Variants in RBFOX1 observed in about 807,000 individuals in gnomAD.
RBFOX1 encodes RNA binding protein fox-1 homolog 1.
RBFOX1 carries 8 observed loss-of-function variants against 57.7 expected under a neutral mutation model. That is an observed-to-expected ratio of 0.14 (90% CI 0.08 to 0.25). RBFOX1 has a LOEUF of 0.25. RBFOX1 is among the 10% of genes least tolerant of loss of function. The pLI, the probability that RBFOX1 is intolerant of heterozygous loss-of-function variation, is 1.00. For synonymous variants in RBFOX1, 326 were observed against 222.4 expected (o/e 1.47, Z -4.15); for missense variants, 611 against 548.5 (o/e 1.11, Z -1.14).
chr16:6,281,991 T>C (rs1314523476), intron 1 of RBFOX1, among the ~76,000 whole-genome samples: 1 of 152,138 alleles, frequency 6.6e-6, no homozygotes, highest in East Asian at 1.9e-4. Flanking sequence ...GCGTTTGTTA[T>C]TGGGCAAAAT....
intron 4 of RBFOX1, among the ~76,000 whole-genome samples, chr16:7,080,059 T>TTATATATATATATATACA (rs201835325): frequency 7.4e-6 from 1 of 135,244 alleles, no homozygotes; most frequent in African/African-American, 2.7e-5. Flanking sequence ...TATATACATA[T>TTATATATATATATATACA]TATATATATA....
At chr16:5,867,455 A>G (rs1202260066) in intron 4 of RBFOX1, 1 of 712,966 alleles carries the variant, frequency 1.4e-6, no homozygotes, top group African/African-American at 1.8e-5. Context: ...GGTGGCTTGG[A>G]TGGTGTGTTT....
At chr16:5,348,833 G>GT (rs2151310504) in intron 1 of RBFOX1, among the ~76,000 whole-genome samples, 1 of 152,276 alleles carries the variant, frequency 6.6e-6, no homozygotes, top group Non-Finnish European at 1.5e-5. Flanking sequence ...AGACTCTTAG[G>GT]TTGTTTCCAT....
chr16:7,245,779 CCATCAGTCTTG>C (rs2094270294), intron 4 of RBFOX1, among the ~76,000 whole-genome samples: 1 of 152,128 alleles, frequency 6.6e-6, no homozygotes, highest in African/African-American at 2.4e-5. Flanking sequence ...CCCTTTTTGT[CCATCAGTCTTG>C]CATAGTGCTT....
chr16:6,108,269 A>C (rs2096405642), intron 1 of RBFOX1, among the ~76,000 whole-genome samples: 1 of 152,126 alleles, frequency 6.6e-6, no homozygotes, highest in Non-Finnish European at 1.5e-5. Flanking sequence ...CAGAGTGGTT[A>C]TAGAAGAGGG....
At chr16:6,714,255 C>T (rs958046796) in intron 3 of RBFOX1, among the ~76,000 whole-genome samples, 1 of 152,128 alleles carries the variant, frequency 6.6e-6, no homozygotes, top group East Asian at 1.9e-4. Flanking sequence ...GTCAATTAAA[C>T]CTCTTTCCCA....
intron 2 of RBFOX1, among the ~76,000 whole-genome samples, chr16:6,421,228 G>C: frequency 6.6e-6 from 1 of 152,298 alleles, no homozygotes; most frequent in African/African-American, 2.4e-5. Flanking sequence ...TCCTTCGGGA[G>C]GGGACAGAGG....
chr16:5,258,481 G>C (rs1344560973), intron 1 of RBFOX1, among the ~76,000 whole-genome samples: 5 of 152,134 alleles, frequency 3.3e-5, no homozygotes, highest in South Asian at 2.1e-4. Flanking sequence ...CTAAGATCGA[G>C]TTTACATTCA....
chr16:6,738,308 G>T (rs1254130562), intron 3 of RBFOX1, among the ~76,000 whole-genome samples: 1 of 152,140 alleles, frequency 6.6e-6, no homozygotes, highest in East Asian at 1.9e-4. Flanking sequence ...AGGAGAGGAG[G>T]GGAACTGAGA....
chr16:7,238,240 T>C (rs779968941), intron 4 of RBFOX1, among the ~76,000 whole-genome samples: 27 of 151,964 alleles, frequency 1.8e-4, no homozygotes, highest in Non-Finnish European at 3.7e-4. Context: ...TTTTGCAAGA[T>C]GAAAAGAGTT....
At chr16:6,639,490 G>A (rs773487938) in intron 2 of RBFOX1, among the ~76,000 whole-genome samples, 16 of 152,080 alleles carry the variant, frequency 1.1e-4, no homozygotes, top group Non-Finnish European at 2.4e-4. Flanking sequence ...AATTAAGACA[G>A]TTTTTAGAAA....
chr16:6,453,700 C>T (rs1312517478), intron 2 of RBFOX1, among the ~76,000 whole-genome samples: 1 of 152,196 alleles, frequency 6.6e-6, no homozygotes, highest in South Asian at 2.1e-4. Context: ...CCCTGACTTT[C>T]TAAGCTTATT....
intron 1 of RBFOX1, among the ~76,000 whole-genome samples, chr16:5,300,469 C>A (rs1223883545): frequency 6.6e-6 from 1 of 152,054 alleles, no homozygotes; most frequent in Non-Finnish European, 1.5e-5. Flanking sequence ...TGAATTTATT[C>A]TTCTAACGCA....
intron 3 of RBFOX1, among the ~76,000 whole-genome samples, chr16:6,786,207 G>A (rs973138210): frequency 6.6e-6 from 1 of 152,142 alleles, no homozygotes; most frequent in Non-Finnish European, 1.5e-5. Context: ...TCCTTGGGGA[G>A]GGGTATGTCA....
rs376827667 is a variant in RBFOX1 at position 5,676,496 on chromosome 16, C to G, written c.318+77535C>G. 7.2e-5 allele frequency among the ~76,000 whole-genome samples: 11 copies of G among 152,270 alleles called. No individual in the cohort carries two copies. The East Asian group carries it at 2.1e-3, about 29-fold the overall frequency. Reference sequence around the variant, plus strand: ...CAAGTCACTCAACCTCTCTGAGATTCAGTTTTTCCATGTGCAAAATGCAGA... The same window carrying G: ...CAAGTCACTCAACCTCTCTGAGATTGAGTTTTTCCATGTGCAAAATGCAGA... On this transcript the variant is annotated intron_variant, in intron 3 of 19. Coordinates refer to the RBFOX1 transcript ENST00000641259.
At chr16:6,472,406 A>C (rs1450685347) in intron 2 of RBFOX1, among the ~76,000 whole-genome samples, 1 of 152,086 alleles carries the variant, frequency 6.6e-6, no homozygotes, top group Non-Finnish European at 1.5e-5. Flanking sequence ...GGATGCCCCC[A>C]AGCATGTGAG....
chr16:6,822,528 G>A (rs57763632), intron 3 of RBFOX1, among the ~76,000 whole-genome samples: 4,142 of 152,280 alleles, frequency 0.027, 199 homozygotes, highest in African/African-American at 0.095. Context: ...ATTCCACTTC[G>A]TGGCTAGAGA....
intron 5 of RBFOX1, among the ~76,000 whole-genome samples, chr16:7,545,717 C>T (rs906649410): frequency 1.3e-5 from 2 of 152,052 alleles, no homozygotes; most frequent in Non-Finnish European, 2.9e-5. Context: ...ATATTCTTTC[C>T]GAATGTTCTT....
intron 4 of RBFOX1, among the ~76,000 whole-genome samples, chr16:7,234,301 C>A (rs368865604): frequency 1.3e-5 from 2 of 152,206 alleles, no homozygotes; most frequent in Admixed American, 1.3e-4. Context: ...AGTGGTTTAT[C>A]TTCCAGTGGG....
Sources: allele counts gnomAD v4.1 joint callset (sites outside exome capture counted in the v4.1 genomes callset), GRCh38; gene constraint gnomAD v4.1.1; transcripts MANE v1.5; gene names NCBI Gene and HGNC (gene_info 2026-07-23, HGNC 2026-07-21).